The following RASEF variants were observed in gnomAD, a reference collection of about 807,000 sequenced individuals.
RASEF encodes RAS and EF-hand domain containing.
RASEF carries 68 observed loss-of-function variants against 90.1 expected under a neutral mutation model. That is an observed-to-expected ratio of 0.75 (90% CI 0.62 to 0.92). RASEF has a LOEUF of 0.92. RASEF is among the 40% of genes least tolerant of loss of function. RASEF has a pLI of 0.00. For missense variants in RASEF, 949 were observed against 937.2 expected, an observed-to-expected ratio of 1.01 and a Z score of -0.16; for synonymous variants, 331 against 345.2, an observed-to-expected ratio of 0.96 and a Z score of 0.46.
chr9:83,116,241 T>C, the RASEF span, among the ~76,000 whole-genome samples: 2 of 152,228 alleles, frequency 1.3e-5, no homozygotes, highest in Non-Finnish European at 2.9e-5. Flanking sequence ...CATTTACTTG[T>C]ATACTTTGCC....
chr9:83,091,385 C>G, the RASEF span, among the ~76,000 whole-genome samples: 146 of 152,168 alleles, frequency 9.6e-4, 1 homozygote, highest in Middle Eastern at 6.8e-3. Context: ...GAAACCCCAT[C>G]TCTACTAAAA....
chr9:83,038,484 T>G (rs1829782626), intron 1 of RASEF, among the ~76,000 whole-genome samples: 1 of 152,108 alleles, frequency 6.6e-6, no homozygotes. Context: ...TAGAAAAAAT[T>G]AAGAATACGA....
chr9:83,082,252 C>T, the RASEF span, among the ~76,000 whole-genome samples: 1 of 152,176 alleles, frequency 6.6e-6, no homozygotes, highest in Non-Finnish European at 1.5e-5. Flanking sequence ...ATTAGAGAAA[C>T]AGCCTCCTTC....
the RASEF span, among the ~76,000 whole-genome samples, chr9:83,140,096 G>T: frequency 6.6e-6 from 1 of 152,174 alleles, no homozygotes; most frequent in African/African-American, 2.4e-5. Context: ...CAGCCAGGAA[G>T]ACTTACCATG....
chr9:83,091,239 A>C, the RASEF span, among the ~76,000 whole-genome samples: 1 of 152,336 alleles, frequency 6.6e-6, no homozygotes, highest in African/African-American at 2.4e-5. Flanking sequence ...TTTTAGGGAT[A>C]TACTGGAGCT....
At chr9:83,061,027 T>C (rs1830192843) in intron 1 of RASEF, among the ~76,000 whole-genome samples, 3 of 152,202 alleles carry the variant, frequency 2.0e-5, no homozygotes, top group African/African-American at 7.2e-5. Flanking sequence ...TATGCATACA[T>C]CATATCCAAT....
At chr9:83,073,730 T>C in the RASEF span, among the ~76,000 whole-genome samples, 1 of 152,230 alleles carries the variant, frequency 6.6e-6, no homozygotes, top group South Asian at 2.1e-4. Flanking sequence ...CTATCTGACT[T>C]ACTCTTCTCT....
At chr9:83,130,709 A>G in the RASEF span, among the ~76,000 whole-genome samples, 5 of 152,310 alleles carry the variant, frequency 3.3e-5, no homozygotes, top group South Asian at 1.0e-3. Context: ...AAACAAGTAT[A>G]ATGTTCTTGT....
chr9:83,021,706 G>A (rs1430082382), intron 3 of RASEF, among the ~76,000 whole-genome samples: 1 of 152,042 alleles, frequency 6.6e-6, no homozygotes, highest in East Asian at 1.9e-4. Flanking sequence ...TAAATATTAG[G>A]TATTATAAGT....
At chr9:83,012,597 T>G in intron 4 of RASEF, 86 bp from the exon 5 acceptor site, 1 of 643,374 alleles carries the variant, frequency 1.6e-6, no homozygotes, top group Non-Finnish European at 2.5e-6. Context: ...AATATACATA[T>G]GAGAATTCTA....
chr9:83,111,326 G>C, the RASEF span, among the ~76,000 whole-genome samples: 1 of 152,102 alleles, frequency 6.6e-6, no homozygotes, highest in African/African-American at 2.4e-5. Flanking sequence ...AGAGTAGAAG[G>C]GTGGTTACCA....
At chr9:83,185,323 T>A in the RASEF span, among the ~76,000 whole-genome samples, 1 of 151,512 alleles carries the variant, frequency 6.6e-6, no homozygotes, top group East Asian at 1.9e-4. Flanking sequence ...AAAGGGCCCC[T>A]GTGCTTTCTT....
At chr9:83,176,874 A>G in the RASEF span, among the ~76,000 whole-genome samples, 1 of 152,104 alleles carries the variant, frequency 6.6e-6, no homozygotes, top group Admixed American at 6.5e-5. Context: ...ATATACTTGT[A>G]TGTCTTGTAA....
chr9:83,215,548 G>C, the RASEF span, among the ~76,000 whole-genome samples: 3 of 152,214 alleles, frequency 2.0e-5, no homozygotes, highest in Non-Finnish European at 4.4e-5. Flanking sequence ...ATCCTGCTAA[G>C]GGGATCAGGG....
chr9:83,090,057 A>C, the RASEF span, among the ~76,000 whole-genome samples: 12 of 152,158 alleles, frequency 7.9e-5, no homozygotes, highest in African/African-American at 2.7e-4. Context: ...GTCTTCCTCA[A>C]ACTTGATAAT....
chr9:83,103,890 A>G, the RASEF span, among the ~76,000 whole-genome samples: 3 of 152,214 alleles, frequency 2.0e-5, no homozygotes, highest in African/African-American at 4.8e-5. Flanking sequence ...TGGTAAAACT[A>G]TAATCAACAT....
At chr9:83,193,593 T>C in the RASEF span, among the ~76,000 whole-genome samples, 2 of 152,192 alleles carry the variant, frequency 1.3e-5, no homozygotes, top group Non-Finnish European at 2.9e-5. Context: ...AGGCATCTAA[T>C]AAATGGTAGT....
At chr9:82,998,731 T>C (rs908516553) in intron 12 of RASEF, among the ~76,000 whole-genome samples, 3 of 151,536 alleles carry the variant, frequency 2.0e-5, no homozygotes, top group African/African-American at 7.3e-5. Flanking sequence ...ATGAACTCAG[T>C]CATATTTGTG....
chr9:83,170,196 A>G, the RASEF span, among the ~76,000 whole-genome samples: 1 of 151,898 alleles, frequency 6.6e-6, no homozygotes, highest in Non-Finnish European at 1.5e-5. Context: ...GCTTTCCCCA[A>G]TGTATGTTAT....
Sources: allele counts gnomAD v4.1 joint callset (sites outside exome capture counted in the v4.1 genomes callset), GRCh38; gene constraint gnomAD v4.1.1; transcripts MANE v1.5; gene names NCBI Gene and HGNC (gene_info 2026-07-23, HGNC 2026-07-21).